Variants in POLR3C observed in about 807,000 individuals in gnomAD.
POLR3C encodes the protein DNA-directed RNA polymerase III subunit RPC3.
Under a neutral mutation model 65.9 loss-of-function variants are expected in POLR3C, and 44 were observed. The ratio of observed to expected loss-of-function variants is 0.67; its 90% CI spans 0.52 to 0.86. POLR3C has a LOEUF of 0.86. POLR3C is among the 40% of genes least tolerant of loss of function. The pLI is 0.00. For synonymous variants in POLR3C, 263 were observed against 231.6 expected (o/e 1.14, Z -1.23); for missense variants, 576 against 653.2 (o/e 0.88, Z 1.29).
At chr1:145,826,370 A>G in intron 2 of POLR3C, 84 bp from the exon 3 acceptor site, 1 of 1,178,772 alleles carries the variant, frequency 8.5e-7, no homozygotes, top group South Asian at 1.3e-5. Flanking sequence ...GATGCTTACT[A>G]AGCTGTTGGA....
At chr1:145,833,469 T>C in intron 6 of POLR3C, 21 bp from the exon 7 acceptor site, 1 of 1,599,752 alleles carries the variant, frequency 6.3e-7, no homozygotes, top group South Asian at 1.1e-5. Context: ...ATTTCTGAAT[T>C]CTAGTTTACT....
In POLR3C at chr1:145,842,844, A is replaced by T. The variant is rs1430305122; in HGVS notation, c.*424A>T. 1.9e-4 allele frequency among the ~76,000 whole-genome samples: 24 copies of T among 123,314 alleles called. No homozygotes were observed. The highest frequency in any genetic ancestry group is 2.7e-4 in the Non-Finnish European group (16 of 58,866). 80.9% of individuals were successfully genotyped at this position (123,314 alleles called of 152,430 possible). On this transcript the variant is annotated 3_prime_UTR_variant, in exon 15 of 15. Coordinates refer to ENST00000334163, the MANE Select transcript of POLR3C (RefSeq NM_006468.8). ...TTTGTTGTTGTTGAGACAGGATCTCACTCTGTCACTCAGGCTGGGGTGTAA... is the reference window on the plus strand; with the variant it reads ...TTTGTTGTTGTTGAGACAGGATCTCTCTCTGTCACTCAGGCTGGGGTGTAA...
At chr1:145,834,403 A>C (rs782099405) in intron 7 of POLR3C, among the ~76,000 whole-genome samples, 9 of 152,128 alleles carry the variant, frequency 5.9e-5, no homozygotes, top group Non-Finnish European at 1.3e-4. Flanking sequence ...GGGGTGGCTC[A>C]CGCCTGTAAT....
Position 145,825,767 on chromosome 1 carries a change from C to A in POLR3C, c.-10C>A, listed in dbSNP as rs1230433569. ...GTGTTTTTTCCCTAGCTCTCAGACT[C>A]CCCAGTACAATGACTCAAGCAGAAA... On this transcript the variant is annotated 5_prime_UTR_variant, in exon 2 of 15. Transcript: ENST00000334163. 2 of 1,610,732 alleles carry A rather than the reference C, an allele frequency of 1.2e-6. No individual in the cohort carries two copies. The highest frequency in any genetic ancestry group is 1.7e-6 in the Non-Finnish European group (2 of 1,177,278).
In POLR3C at chr1:145,836,589, G is replaced by C. The variant is rs587717563; in HGVS notation, c.957+15G>C. 1 of 1,543,480 alleles carries C rather than the reference G, an allele frequency of 6.5e-7. No homozygotes were observed. Among genetic ancestry groups the C allele is most frequent in the East Asian group, 2.2e-5 (1 of 44,566 alleles). On this transcript the variant is annotated intron_variant, in intron 8 of 14. Coordinates refer to ENST00000334163, the MANE Select transcript of POLR3C (RefSeq NM_006468.8). ...CAGATGATCCAGTAAGTCTGTTTTT[G>C]CTTTTTTTCTTTTTTCTTTAGCCTG...
intron 7 of POLR3C, among the ~76,000 whole-genome samples, chr1:145,834,348 G>C (rs1553727979): frequency 6.6e-6 from 1 of 152,110 alleles, no homozygotes; most frequent in East Asian, 1.9e-4. Flanking sequence ...TGGTCTACAC[G>C]CTCAGGCTAC....
In POLR3C at chr1:145,826,570, TC is replaced by T; in HGVS notation, c.268del (p.Arg90GlyfsTer16). The T allele has an allele frequency of 6.2e-7, 1 of 1,614,106 alleles. No homozygotes were observed. Among genetic ancestry groups the T allele is most frequent in the Non-Finnish European group, 8.5e-7 (1 of 1,180,022 alleles). ...GCCGGGTATTGCGAATGCTTAGATATCCCCGGTACATCTATACTACCAAAAC... is the reference window on the plus strand; with the variant it reads ...GCCGGGTATTGCGAATGCTTAGATATCCCGGTACATCTATACTACCAAAAC... Reference protein sequence around the residue: ...CSRVLRMLRYPRYIYTTKTLY... With the variant: ...CSRVLRMLRYXRYIYTTKTLY... On this transcript the variant is annotated frameshift_variant, in exon 3 of 15. Transcript: ENST00000334163. LOFTEE classifies it high-confidence loss of function.
At chr1:145,827,098 T>C (rs1553726028) in intron 4 of POLR3C, 93 bp downstream of exon 4, 6 of 1,036,584 alleles carry the variant, frequency 5.8e-6, no homozygotes, top group Admixed American at 4.5e-5. Flanking sequence ...ATTTACCAAG[T>C]ATTTGCTATG....
At chr1:145,826,047 A>G (rs1650713802) in intron 2 of POLR3C, 124 bp downstream of exon 2, 7 of 758,944 alleles carry the variant, frequency 9.2e-6, no homozygotes, top group South Asian at 1.8e-5. Flanking sequence ...GGAGCAGAAC[A>G]ATGTTATTTC....
chr1:145,836,209 C>A (rs1232201202), intron 7 of POLR3C, among the ~76,000 whole-genome samples: 1 of 151,988 alleles, frequency 6.6e-6, no homozygotes, highest in Non-Finnish European at 1.5e-5. Flanking sequence ...CAACCTCTGC[C>A]TCCCAGGTTC....
chr1:145,829,129 G>GA (rs1651076885), intron 5 of POLR3C, among the ~76,000 whole-genome samples: 1 of 152,140 alleles, frequency 6.6e-6, no homozygotes, highest in Non-Finnish European at 1.5e-5. Flanking sequence ...GGCCAGTGAT[G>GA]AAAAATGGGT....
intron 14 of POLR3C, among the ~76,000 whole-genome samples, chr1:145,841,626 T>C (rs1471876135): frequency 1.3e-5 from 2 of 152,244 alleles, no homozygotes; most frequent in Admixed American, 6.5e-5. Context: ...GCTAGTGTTA[T>C]ACAAAAACAA....
chr1:145,839,716 G>A (rs1467024520), intron 11 of POLR3C, 174 bp from the exon 12 acceptor site: 9 of 577,964 alleles, frequency 1.6e-5, no homozygotes, highest in South Asian at 4.4e-5. Flanking sequence ...AGGTAACAGA[G>A]CAAGACCCAG....
At chr1:145,833,442 C>A in intron 6 of POLR3C, 48 bp from the exon 7 acceptor site, 1 of 1,542,890 alleles carries the variant, frequency 6.5e-7, no homozygotes, top group Non-Finnish European at 9.0e-7. Context: ...GCACATAGAG[C>A]CAGGGGCAGC....
intron 2 of POLR3C, among the ~76,000 whole-genome samples, chr1:145,826,149 C>T (rs1570717583): frequency 6.6e-6 from 1 of 152,312 alleles, no homozygotes; most frequent in Middle Eastern, 3.4e-3. Context: ...TTGCTCTTCC[C>T]ATGCCGTACC....
chr1:145,842,284 C>T, intron 14 of POLR3C, 55 bp from the exon 15 acceptor site: 1 of 1,115,336 alleles, frequency 9.0e-7, no homozygotes, highest in Non-Finnish European at 1.3e-6. Context: ...AACCTCTAAT[C>T]TTAAATATGC....
intron 11 of POLR3C, among the ~76,000 whole-genome samples, 195 bp downstream of exon 11, chr1:145,838,401 G>C (rs1426160230): frequency 2.6e-5 from 4 of 152,186 alleles, no homozygotes; most frequent in Admixed American, 6.5e-5. Context: ...GAAAGAGGTG[G>C]CCGGGCACGG....
chr1:145,831,801 G>C (rs1305226740), intron 5 of POLR3C, among the ~76,000 whole-genome samples: 4 of 152,174 alleles, frequency 2.6e-5, no homozygotes, highest in African/African-American at 9.6e-5. Flanking sequence ...TAACACTTTG[G>C]AAGGCCAAGG....
At position 145,831,444 on chromosome 1, in the gene POLR3C, G is replaced by A. The variant is rs1490905795; in HGVS notation, c.679-1816G>A. ...GCAGGAGAATCGCTTGAACCTGGGGGGCAGAGGTTGCAGTGAGCGGAGATT... is the reference window on the plus strand; with the variant it reads ...GCAGGAGAATCGCTTGAACCTGGGGAGCAGAGGTTGCAGTGAGCGGAGATT... On this transcript the variant is annotated intron_variant, in intron 5 of 14. Coordinates refer to ENST00000334163, the MANE Select transcript of POLR3C (RefSeq NM_006468.8). 4.6e-5 allele frequency among the ~76,000 whole-genome samples: 7 copies of A among 151,742 alleles called. No homozygotes were observed. The East Asian group carries it at 7.8e-4, about 17-fold the overall frequency.
Sources: gnomAD v4.1 joint callset for allele counts (sites outside exome capture counted in the v4.1 genomes callset) on GRCh38, gnomAD v4.1.1 for gene constraint, MANE v1.5 for transcripts, NCBI Gene and HGNC (gene_info 2026-07-23, HGNC 2026-07-21) for gene names.